CSNK1G1: variants seen among roughly 807,000 people sequenced by gnomAD.
CSNK1G1 encodes the protein casein kinase I isoform gamma-1.
A neutral mutation model predicts 59.6 loss-of-function variants in CSNK1G1; 22 were observed. The ratio of observed to expected loss-of-function variants is 0.37; its 90% CI spans 0.26 to 0.53. The LOEUF (loss-of-function observed/expected upper bound fraction) is 0.53. Among genes scored for constraint, CSNK1G1 ranks in the 20% least tolerant of loss-of-function variants. CSNK1G1 has a pLI of 0.89. For missense variants in CSNK1G1, 384 were observed against 519.5 expected (o/e 0.74, Z 2.54); for synonymous variants, 179 against 177.1 (o/e 1.01, Z -0.08).
At chr15:64,311,983 A>T (rs1896021299) in intron 1 of CSNK1G1, among the ~76,000 whole-genome samples, 1 of 152,184 alleles carries the variant, frequency 6.6e-6, no homozygotes, top group Admixed American at 6.5e-5. Flanking sequence ...AGAGAGCCAA[A>T]TCATGAGTAA....
chr15:64,329,937 C>T, intron 1 of CSNK1G1, among the ~76,000 whole-genome samples: 1 of 150,146 alleles, frequency 6.7e-6, no homozygotes, highest in Non-Finnish European at 1.5e-5. Flanking sequence ...GAAATGGATA[C>T]ATTCCTCGAC....
chr15:64,209,027 C>T (rs1422319028), intron 6 of CSNK1G1, among the ~76,000 whole-genome samples: 1 of 152,006 alleles, frequency 6.6e-6, no homozygotes, highest in East Asian at 1.9e-4. Context: ...GCTGGGACTA[C>T]AGGCATGCAC....
chr15:64,218,003 A>C (rs1017232769), intron 4 of CSNK1G1, among the ~76,000 whole-genome samples: 1 of 152,156 alleles, frequency 6.6e-6, no homozygotes, highest in East Asian at 1.9e-4. Context: ...GCTGGAGTGC[A>C]GTGGTAAGAT....
chr15:64,301,142 C>G (rs374640291), intron 1 of CSNK1G1, among the ~76,000 whole-genome samples: 1 of 152,186 alleles, frequency 6.6e-6, no homozygotes. Flanking sequence ...TTCACTCCCC[C>G]ATTCCCCTAT....
At chr15:64,315,273 A>G (rs12102207) in intron 1 of CSNK1G1, among the ~76,000 whole-genome samples, 9,098 of 152,272 alleles carry the variant, frequency 0.06, 279 homozygotes, top group South Asian at 0.087. Context: ...TCCAGAAAGG[A>G]AAAAGCAGCA....
intron 7 of CSNK1G1, among the ~76,000 whole-genome samples, 194 bp downstream of exon 7, chr15:64,207,315 C>T (rs2082195565): frequency 6.6e-6 from 1 of 152,140 alleles, no homozygotes; most frequent in Admixed American, 6.5e-5. Flanking sequence ...TGGGGTCTCA[C>T]TATGTTGCTG....
At chr15:64,354,400 A>C (rs1481764948) in intron 1 of CSNK1G1, among the ~76,000 whole-genome samples, 1 of 152,256 alleles carries the variant, frequency 6.6e-6, no homozygotes, top group Non-Finnish European at 1.5e-5. Flanking sequence ...AGATTTACAT[A>C]CATTACTTTT....
At chr15:64,304,760 T>G (rs1895573853) in intron 1 of CSNK1G1, among the ~76,000 whole-genome samples, 2 of 152,236 alleles carry the variant, frequency 1.3e-5, no homozygotes, top group Non-Finnish European at 2.9e-5. Flanking sequence ...CAAAACACCC[T>G]GGGTTTTTGT....
At chr15:64,342,909 G>A (rs1312661168) in intron 1 of CSNK1G1, among the ~76,000 whole-genome samples, 1 of 152,096 alleles carries the variant, frequency 6.6e-6, no homozygotes, top group Non-Finnish European at 1.5e-5. Flanking sequence ...CAGTAGGTAT[G>A]GGACCAGGGC....
chr15:64,316,098 C>T (rs1157973253), intron 1 of CSNK1G1, among the ~76,000 whole-genome samples: 2 of 152,160 alleles, frequency 1.3e-5, no homozygotes, highest in Admixed American at 6.6e-5. Flanking sequence ...ATGGTCAGAG[C>T]TCATGGCAGC....
intron 3 of CSNK1G1, among the ~76,000 whole-genome samples, chr15:64,255,215 T>A (rs928642854): frequency 6.6e-6 from 1 of 152,198 alleles, no homozygotes; most frequent in African/African-American, 2.4e-5. Flanking sequence ...TAGCTGAGAC[T>A]ACAGATGCAC....
intron 2 of CSNK1G1, among the ~76,000 whole-genome samples, chr15:64,284,895 T>A (rs1894327735): frequency 6.6e-6 from 1 of 152,068 alleles, no homozygotes; most frequent in Non-Finnish European, 1.5e-5. Context: ...TAATTCTAAT[T>A]CATATTACTG....
intron 1 of CSNK1G1, among the ~76,000 whole-genome samples, chr15:64,327,070 ACTGCAAGGAGGCAGCGAGGCTGGGGGAG>A (rs946610435): frequency 6.6e-6 from 1 of 151,636 alleles, no homozygotes; most frequent in African/African-American, 2.4e-5. Context: ...CTGAGATCAA[ACTGCAAGGAGGCAGCGAGGCTGGGGGAG>A]GGGCGCCCGC....
chr15:64,205,738 T>C (rs1037726787), intron 7 of CSNK1G1, among the ~76,000 whole-genome samples: 9 of 152,286 alleles, frequency 5.9e-5, no homozygotes, highest in East Asian at 3.9e-4. Flanking sequence ...CACTAATGCA[T>C]TGTGTGGCTG....
At chr15:64,281,040 C>G (rs142991373) in intron 2 of CSNK1G1, among the ~76,000 whole-genome samples, 1 of 151,882 alleles carries the variant, frequency 6.6e-6, no homozygotes, top group African/African-American at 2.4e-5. Flanking sequence ...CCACCACGCC[C>G]GGCTAATTTT....
intron 4 of CSNK1G1, among the ~76,000 whole-genome samples, chr15:64,251,127 T>C (rs1321738166): frequency 6.6e-6 from 1 of 152,252 alleles, no homozygotes; most frequent in Admixed American, 6.5e-5. Flanking sequence ...TATTTTAGTA[T>C]GTCTTCAAAA....
At position 64,188,120 on chromosome 15, in the gene CSNK1G1, C is replaced by T. The variant is rs117082045; in HGVS notation, c.1108-7666G>A. Among the ~76,000 whole-genome samples, 1,283 of 152,276 alleles carry T rather than the reference C, an allele frequency of 8.4e-3. 9 individuals carry two copies. The highest frequency in any genetic ancestry group is 0.013 in the Admixed American group (192 of 15,298). On this transcript the variant is annotated intron_variant, in intron 10 of 11. Transcript: ENST00000303052. The surrounding 1 kb of genome is among the most constrained non-coding windows in gnomAD (Gnocchi z 4.2). Reference sequence around the variant, plus strand: ...TTTTTATGGTTTATCATGAATGCATCAAGGTGGTAGGACTAGGTTAACCAG... The same window carrying T: ...TTTTTATGGTTTATCATGAATGCATTAAGGTGGTAGGACTAGGTTAACCAG...
At chr15:64,298,721 T>C (rs1895155074) in intron 2 of CSNK1G1, among the ~76,000 whole-genome samples, 1 of 152,102 alleles carries the variant, frequency 6.6e-6, no homozygotes, top group South Asian at 2.1e-4. Flanking sequence ...CCATGTTCTC[T>C]ATGCAGGACC....
chr15:64,221,532 A>G (rs1001702533), intron 4 of CSNK1G1, among the ~76,000 whole-genome samples: 9 of 152,184 alleles, frequency 5.9e-5, no homozygotes, highest in African/African-American at 2.2e-4. Flanking sequence ...TGGGATGCTC[A>G]AAGCAACTTC....
Sources: allele counts gnomAD v4.1 joint callset (sites outside exome capture counted in the v4.1 genomes callset), GRCh38; gene constraint gnomAD v4.1.1; non-coding constraint Gnocchi (gnomAD v3.1); transcripts MANE v1.5; gene names NCBI Gene and HGNC (gene_info 2026-07-23, HGNC 2026-07-21).